OASL: variants seen among roughly 807,000 people sequenced by gnomAD.
OASL encodes 2'-5'-oligoadenylate synthetase like.
A neutral mutation model predicts 35.3 loss-of-function variants in OASL; 28 were observed. The observed-to-expected ratio is 0.79, with a 90% CI of 0.59 to 1.09. OASL has a LOEUF of 1.09. Among genes scored for constraint, OASL ranks in the 50% least tolerant of loss-of-function variants. The pLI, the probability that OASL is intolerant of heterozygous loss-of-function variation, is 0.00. For synonymous variants in OASL, 252 were observed against 254.6 expected (o/e 0.99, Z 0.10); for missense variants, 620 against 635.2 (o/e 0.98, Z 0.26).
intron 1 of OASL, among the ~76,000 whole-genome samples, chr12:121,037,082 G>A (rs1592940880): frequency 6.6e-6 from 1 of 152,232 alleles, no homozygotes; most frequent in East Asian, 1.9e-4. Flanking sequence ...TGCAAAGAAC[G>A]GATAGGGGCC....
downstream of OASL, among the ~76,000 whole-genome samples, chr12:121,018,692 C>A (rs1160809909): frequency 2.0e-5 from 3 of 151,322 alleles, no homozygotes; most frequent in East Asian, 5.8e-4. Context: ...GATGGTGAAA[C>A]CCCGTCTCTA....
At chr12:121,018,763 G>A (rs1381967821), downstream of OASL, among the ~76,000 whole-genome samples, 4 of 151,728 alleles carry the variant, frequency 2.6e-5, no homozygotes, top group East Asian at 1.9e-4. Flanking sequence ...CCAGCTACTC[G>A]GGAGGCTGAG....
intron 1 of OASL, 22 bp from the exon 2 acceptor site, chr12:121,033,765 C>T (rs1400412134): frequency 1.2e-6 from 2 of 1,604,298 alleles, no homozygotes; most frequent in Non-Finnish European, 1.7e-6. Context: ...AGAGCCCCGT[C>T]ACCCTGAGGC....
chr12:121,021,373 TGAAGTGAGGTTGGTCA>T (rs1869229721), intron 5 of OASL, among the ~76,000 whole-genome samples: 1 of 152,196 alleles, frequency 6.6e-6, no homozygotes, highest in Non-Finnish European at 1.5e-5. Context: ...GGCAGATATG[TGAAGTGAGGTTGGTCA>T]GACTCCAGAG....
At chr12:121,031,404 C>T (rs765094600) in intron 3 of OASL, 38 bp downstream of exon 3, 2 of 1,601,932 alleles carry the variant, frequency 1.2e-6, no homozygotes, top group Non-Finnish European at 1.7e-6. Flanking sequence ...TCACCCTCTT[C>T]CCTCTCCTTG....
intron 3 of OASL, 118 bp from the exon 4 acceptor site, chr12:121,027,935 G>C: frequency 1.2e-6 from 1 of 812,110 alleles, no homozygotes. Flanking sequence ...CCTACTGGCT[G>C]TGTGACCTTG....
chr12:121,031,334 T>C, intron 3 of OASL, 108 bp downstream of exon 3: 1 of 1,074,422 alleles, frequency 9.3e-7, no homozygotes, highest in Non-Finnish European at 1.4e-6. Context: ...CCTCTCTACC[T>C]GCTTCCATTT....
chr12:121,031,015 G>C (rs1011509105), intron 3 of OASL, among the ~76,000 whole-genome samples: 11 of 152,062 alleles, frequency 7.2e-5, no homozygotes, highest in Non-Finnish European at 1.2e-4. Context: ...GTGCATGCCT[G>C]TAGTCCCAGT....
chr12:121,038,372 A>G (rs563536204), intron 1 of OASL, among the ~76,000 whole-genome samples: 34 of 152,324 alleles, frequency 2.2e-4, no homozygotes, highest in African/African-American at 7.5e-4. Context: ...TATATGTACT[A>G]TCTGATATCT....
chr12:121,026,194 G>T (rs1869477615), intron 4 of OASL, among the ~76,000 whole-genome samples: 2 of 152,328 alleles, frequency 1.3e-5, no homozygotes, highest in Admixed American at 6.5e-5. Flanking sequence ...GAGTGACAGA[G>T]AGAGAGAGGG....
chr12:121,034,747 A>C (rs1869883235), intron 1 of OASL, among the ~76,000 whole-genome samples: 1 of 152,150 alleles, frequency 6.6e-6, no homozygotes, highest in Admixed American at 6.6e-5. Context: ...AACAAGAGTC[A>C]CTGGGCTACT....
At chr12:121,036,742 G>C (rs1212226981) in intron 1 of OASL, among the ~76,000 whole-genome samples, 2 of 152,174 alleles carry the variant, frequency 1.3e-5, no homozygotes, top group Non-Finnish European at 2.9e-5. Flanking sequence ...AAGTTTGTTG[G>C]GGAGGGGGTG....
intron 2 of OASL, among the ~76,000 whole-genome samples, chr12:121,031,834 C>T (rs1454863136): frequency 6.6e-6 from 1 of 152,116 alleles, no homozygotes; most frequent in African/African-American, 2.4e-5. Context: ...ATGCATCAGA[C>T]CCCTCCCTGG....
chr12:121,031,508 A>G (rs767013702), exon 3 of OASL: 20 of 1,613,922 alleles, frequency 1.2e-5, no homozygotes, highest in Non-Finnish European at 8.5e-7. Context: ...GTTTCACGAA[A>G]TTTCTCTGCA....
exon 2 of OASL, chr12:121,033,640 T>C (rs1699173526): frequency 1.2e-6 from 2 of 1,614,042 alleles, no homozygotes; most frequent in Admixed American, 3.3e-5. Context: ...AACATCTTTG[T>C]GATGCTTGGC....
rs201365258 is a variant in OASL, at chr12:121,033,786, G to A, written c.199-43C>T. The A allele has an allele frequency of 9.9e-5, 158 of 1,592,824 alleles. No individual in the cohort carries two copies. The Middle Eastern group carries it at 1.5e-3, about 15-fold the overall frequency. Reference sequence around the variant, plus strand: ...CCGTCACCCTGAGGCCCACTGCCATGAGCCAGGCAACCCCTGCGGCACTTC... The same window carrying A: ...CCGTCACCCTGAGGCCCACTGCCATAAGCCAGGCAACCCCTGCGGCACTTC... On this transcript the variant is annotated intron_variant, in intron 1 of 5. Transcript: ENST00000257570.
At position 121,039,045 on chromosome 12, in the gene OASL, T is replaced by A; in HGVS notation, c.-74A>T. The A allele has an allele frequency of 7.9e-7, 1 of 1,261,190 alleles. No individual in the cohort carries two copies. The highest frequency in any genetic ancestry group is 1.1e-6 in the Non-Finnish European group (1 of 880,424). 78.1% of individuals were successfully genotyped at this position (1,261,190 alleles called of 1,614,324 possible). A position where few individuals can be genotyped will look rare whatever the true frequency, so the allele number is the denominator to read the frequency against. On this transcript the variant is annotated 5_prime_UTR_variant, in exon 1 of 6. It adds an upstream start codon to the 5' untranslated region. Coordinates refer to ENST00000257570, the Ensembl canonical transcript of OASL. The stretch of plus-strand genomic sequence containing the variant: ...ACCCAGCTCCCTGGCACACACCTCC[T>A]TTTTTAAGGTAGCTCCTCCTCAGCT...
intron 5 of OASL, among the ~76,000 whole-genome samples, chr12:121,022,215 T>C (rs1317602202): frequency 6.6e-6 from 1 of 151,492 alleles, no homozygotes; most frequent in African/African-American, 2.4e-5. Flanking sequence ...GCCTCCCTAG[T>C]AGCTGGGACT....
At chr12:121,022,863 C>T (rs527349079) in intron 5 of OASL, among the ~76,000 whole-genome samples, 40 of 152,302 alleles carry the variant, frequency 2.6e-4, no homozygotes, top group Non-Finnish European at 5.4e-4. Context: ...ACCCCCAGAG[C>T]CCCTGGTTCT....
Sources: allele counts gnomAD v4.1 joint callset (sites outside exome capture counted in the v4.1 genomes callset), GRCh38; gene constraint gnomAD v4.1.1; transcripts MANE v1.5; gene names NCBI Gene and HGNC (gene_info 2026-07-23, HGNC 2026-07-21).